TMEM150C: variants seen among roughly 807,000 people sequenced by gnomAD.
The protein encoded by TMEM150C is tentonin 3.
A neutral mutation model predicts 29.9 loss-of-function variants in TMEM150C; 10 were observed. That is an observed-to-expected ratio of 0.33 (90% confidence interval 0.21 to 0.57). TMEM150C has a LOEUF of 0.57. TMEM150C is among the 20% of genes least tolerant of loss of function. The pLI, the probability that TMEM150C is intolerant of heterozygous loss-of-function variation, is 0.88. For missense variants in TMEM150C, 251 were observed against 303.6 expected (o/e 0.83, Z 1.29); for synonymous variants, 101 against 112.5 (o/e 0.90, Z 0.64).
chr4:82,486,158 A>T (rs976222716), intron 7 of TMEM150C, among the ~76,000 whole-genome samples: 2 of 152,048 alleles, frequency 1.3e-5, no homozygotes, highest in African/African-American at 4.8e-5. Context: ...TGCGCCATGT[A>T]TTCAATAGCT....
At chr4:82,556,214 G>C (rs548714615) in intron 1 of TMEM150C, among the ~76,000 whole-genome samples, 21 of 152,274 alleles carry the variant, frequency 1.4e-4, no homozygotes, top group African/African-American at 5.1e-4. Flanking sequence ...CTGACCTCGA[G>C]TGATCCACCC....
At chr4:82,560,101 C>T (rs561274346) in intron 1 of TMEM150C, among the ~76,000 whole-genome samples, 3 of 148,890 alleles carry the variant, frequency 2.0e-5, no homozygotes, top group African/African-American at 5.1e-5. Context: ...CTAAATAGAA[C>T]GCATTATTGT....
At chr4:82,562,022 T>TCACC (rs1402968220), upstream of TMEM150C, 3 of 1,153,932 alleles carry the variant, frequency 2.6e-6, no homozygotes, top group Non-Finnish European at 3.2e-6. Flanking sequence ...TGGGATCTGC[T>TCACC]CACCCGCCCG....
intron 6 of TMEM150C, 116 bp downstream of exon 6, chr4:82,495,952 A>G: frequency 7.5e-7 from 1 of 1,340,780 alleles, no homozygotes; most frequent in Middle Eastern, 1.9e-4. Flanking sequence ...TTTTAAAAAA[A>G]GGTTTGTGCA....
chr4:82,491,412 T>C (rs1242191684), intron 6 of TMEM150C: 3 of 658,434 alleles, frequency 4.6e-6, no homozygotes, highest in Non-Finnish European at 8.2e-6. Context: ...AGAGGTTAAT[T>C]GCAGCCGCTT....
chr4:82,537,148 AT>A (rs1173027609), intron 1 of TMEM150C, among the ~76,000 whole-genome samples: 3 of 151,614 alleles, frequency 2.0e-5, no homozygotes, highest in Non-Finnish European at 4.4e-5. Flanking sequence ...CACCCGGCTA[AT>A]TTTTTTTGTA....
intron 1 of TMEM150C, among the ~76,000 whole-genome samples, chr4:82,526,413 A>G (rs947632182): frequency 5.3e-5 from 8 of 152,196 alleles, no homozygotes; most frequent in African/African-American, 1.9e-4. Flanking sequence ...CACCCTGCCT[A>G]AAAAAGTATT....
chr4:82,514,984 C>G (rs1724246675), intron 1 of TMEM150C, among the ~76,000 whole-genome samples: 1 of 152,234 alleles, frequency 6.6e-6, no homozygotes, highest in Non-Finnish European at 1.5e-5. Context: ...CATTCAGATA[C>G]TCTGTTAATT....
intron 1 of TMEM150C, among the ~76,000 whole-genome samples, chr4:82,544,740 C>A (rs1051514771): frequency 2.0e-5 from 3 of 146,344 alleles, no homozygotes; most frequent in Non-Finnish European, 4.4e-5. Flanking sequence ...GTTTGCACCA[C>A]TATATTCCAG....
Position 82,503,078 on chromosome 4 carries a change from G to T in TMEM150C, c.115C>A (p.Pro39Thr). The change falls in exon 3 of 8, where the codon CCA (proline) becomes ACA (threonine). Residue 39 changes from proline (P) to threonine (T), a missense_variant. Pro to Thr is a conservative substitution (Grantham distance 38, BLOSUM62 -1). Coordinates refer to ENST00000449862, the MANE Select transcript of TMEM150C (RefSeq NM_001080506.3). ...CTTTACCTTTCAGCTGAATTTAATG[G>T]TAAAATTTTGTCATCTTCCACAGCT... Reference protein sequence around the residue: ...FIAVEDDKILPLNSAERKPGV... With the variant: ...FIAVEDDKILTLNSAERKPGV... 1 of 1,612,336 alleles carries T rather than the reference G, an allele frequency of 6.2e-7. No individual in the cohort carries two copies. The highest frequency in any genetic ancestry group is 8.5e-7 in the Non-Finnish European group (1 of 1,179,220).
chr4:82,512,569 C>T (rs1560487138), intron 1 of TMEM150C, among the ~76,000 whole-genome samples: 2 of 152,250 alleles, frequency 1.3e-5, no homozygotes, highest in East Asian at 3.9e-4. Context: ...TGAATGAAGG[C>T]TCATATGATA....
intron 1 of TMEM150C, among the ~76,000 whole-genome samples, chr4:82,520,867 C>T (rs973624197): frequency 2.6e-5 from 4 of 152,184 alleles, no homozygotes; most frequent in South Asian, 2.1e-4. Context: ...AAAGTGAGAC[C>T]CTGTCTCTAA....
At chr4:82,500,882 G>T (rs1578126774) in intron 5 of TMEM150C, among the ~76,000 whole-genome samples, 1 of 152,204 alleles carries the variant, frequency 6.6e-6, no homozygotes, top group South Asian at 2.1e-4. Context: ...TTATATTTCA[G>T]GCTTGAGTAT....
chr4:82,491,834 C>T (rs1173976075), intron 6 of TMEM150C, among the ~76,000 whole-genome samples: 1 of 151,218 alleles, frequency 6.6e-6, no homozygotes, highest in Non-Finnish European at 1.5e-5. Context: ...ACAGCCAATT[C>T]TAGGCAAGTC....
intron 5 of TMEM150C, among the ~76,000 whole-genome samples, chr4:82,502,185 G>A (rs142440112): frequency 9.2e-5 from 14 of 152,260 alleles, no homozygotes; most frequent in African/African-American, 2.2e-4. Context: ...AAGGAACTGG[G>A]GCTAGATATG....
chr4:82,503,549 T>G lies in TMEM150C; in HGVS notation c.81-437A>C, dbSNP rs1462657781. On this transcript the variant is annotated intron_variant, in intron 2 of 7. Coordinates refer to ENST00000449862, the MANE Select transcript of TMEM150C (RefSeq NM_001080506.3). ...AGCCAGGACTTCCAATGTAATGATA[T>G]TCATTTTATAAACATATCAGGCCGG... is the stretch of plus-strand genomic sequence containing the variant. 2.0e-5 allele frequency among the ~76,000 whole-genome samples: 3 copies of G among 152,184 alleles called. No homozygotes were observed. The East Asian group carries it at 5.8e-4, about 29-fold the overall frequency.
At chr4:82,542,447 A>G (rs907388363) in intron 1 of TMEM150C, among the ~76,000 whole-genome samples, 7 of 152,220 alleles carry the variant, frequency 4.6e-5, no homozygotes, top group African/African-American at 1.7e-4. Context: ...ATTTGGTCCT[A>G]TAAATAAGTA....
intron 1 of TMEM150C, among the ~76,000 whole-genome samples, chr4:82,535,330 A>T (rs1044354027): frequency 6.6e-6 from 1 of 152,200 alleles, no homozygotes; most frequent in African/African-American, 2.4e-5. Context: ...ACAGGGCTGA[A>T]CTTCCATGAC....
At chr4:82,496,415 T>G (rs1274467584) in intron 5 of TMEM150C, 1 of 476,838 alleles carries the variant, frequency 2.1e-6, no homozygotes, top group Admixed American at 3.5e-5. Context: ...ATGCAATGCT[T>G]ATGATTATTT....
Sources: gnomAD v4.1 joint callset for allele counts (sites outside exome capture counted in the v4.1 genomes callset) on GRCh38, gnomAD v4.1.1 for gene constraint, MANE v1.5 for transcripts, NCBI Gene and HGNC (gene_info 2026-07-23, HGNC 2026-07-21) for gene names.